GRIN3A: variants seen among roughly 807,000 people sequenced by gnomAD.
GRIN3A encodes the protein glutamate receptor ionotropic, NMDA 3A.
A neutral mutation model predicts 92.4 loss-of-function variants in GRIN3A; 47 were observed. The ratio of observed to expected loss-of-function variants is 0.51; its 90% CI spans 0.40 to 0.65. The LOEUF is 0.65. GRIN3A is among the 30% of genes least tolerant of loss of function. The pLI is 0.00. For missense variants in GRIN3A, 1,324 were observed against 1,393.1 expected, an observed-to-expected ratio of 0.95 and a Z score of 0.79; for synonymous variants, 527 against 540.6, an observed-to-expected ratio of 0.97 and a Z score of 0.35.
At chr9:101,615,227 C>A (rs532918448) in intron 5 of GRIN3A, among the ~76,000 whole-genome samples, 2 of 145,124 alleles carry the variant, frequency 1.4e-5, no homozygotes, top group African/African-American at 5.1e-5. Flanking sequence ...TTTTTTTTTG[C>A]CTTCAACATG....
chr9:101,730,323 AT>A (rs1373052678), intron 1 of GRIN3A, among the ~76,000 whole-genome samples: 2 of 152,176 alleles, frequency 1.3e-5, no homozygotes, highest in Non-Finnish European at 2.9e-5. Context: ...CGAATGCATA[AT>A]AAGGTAGAAT....
chr9:101,634,332 CAAAAAAA>C (rs10664535), intron 3 of GRIN3A, among the ~76,000 whole-genome samples: 1 of 68,736 alleles, frequency 1.5e-5, no homozygotes, highest in Non-Finnish European at 2.6e-5. Context: ...GACTCCGTCT[CAAAAAAA>C]AAAAAAAAAA....
At chr9:101,700,926 T>C (rs985425923) in intron 1 of GRIN3A, among the ~76,000 whole-genome samples, 1 of 152,178 alleles carries the variant, frequency 6.6e-6, no homozygotes, top group Non-Finnish European at 1.5e-5. Flanking sequence ...ACACATCTAT[T>C]ATCATTATGG....
At chr9:101,673,529 G>A (rs1435383769) in intron 2 of GRIN3A, among the ~76,000 whole-genome samples, 1 of 152,078 alleles carries the variant, frequency 6.6e-6, no homozygotes, top group African/African-American at 2.4e-5. Flanking sequence ...CTTACGATAA[G>A]GGTGAATCAA....
chr9:101,582,501 C>T (rs953628514), intron 6 of GRIN3A, among the ~76,000 whole-genome samples: 6 of 152,118 alleles, frequency 3.9e-5, no homozygotes, highest in African/African-American at 1.4e-4. Flanking sequence ...GCACGTTGGA[C>T]CCCAAGGGCT....
intron 1 of GRIN3A, among the ~76,000 whole-genome samples, chr9:101,706,296 A>T (rs546715951): frequency 6.6e-6 from 1 of 152,288 alleles, no homozygotes; most frequent in East Asian, 1.9e-4. Context: ...AATGTAATCA[A>T]TCTCTGCTGT....
At chr9:101,635,042 T>G (rs898113282) in intron 3 of GRIN3A, among the ~76,000 whole-genome samples, 1 of 152,236 alleles carries the variant, frequency 6.6e-6, no homozygotes, top group African/African-American at 2.4e-5. Flanking sequence ...TTTTTCATGT[T>G]ATTCCTATTT....
At chr9:101,683,844 CAGTGAG>C (rs768938744) in intron 2 of GRIN3A, among the ~76,000 whole-genome samples, 20,370 of 78,886 alleles carry the variant, frequency 0.26, 2,207 homozygotes, top group African/African-American at 0.44. Context: ...GAGAGAGAGA[CAGTGAG>C]AGAGAGAGAG....
At chr9:101,594,001 C>T (rs1335769754) in intron 6 of GRIN3A, 1 of 162,736 alleles carries the variant, frequency 6.1e-6, no homozygotes, top group Non-Finnish European at 1.3e-5. Context: ...TGAACACAAG[C>T]AAATGAAAAC....
rs145134206 is a variant in GRIN3A at position 101,735,205 on chromosome 9, A to G, written c.699+2076T>C. Among the ~76,000 whole-genome samples, 1,041 of 152,006 alleles carry G rather than the reference A, an allele frequency of 6.8e-3. 25 individuals are homozygous for G. The highest frequency in any genetic ancestry group is 8.9e-3 in the Non-Finnish European group (607 of 67,878). On this transcript the variant is annotated intron_variant, in intron 1 of 8. Coordinates refer to ENST00000361820, the MANE Select transcript of GRIN3A (RefSeq NM_133445.3). ...GTTTGAATTTAAAGTAAAAAGGGAG[A>G]TGAAAGAAAATGTAGTCAGTTGAAC...
At chr9:101,692,981 T>C (rs1179609501) in intron 1 of GRIN3A, among the ~76,000 whole-genome samples, 2 of 152,218 alleles carry the variant, frequency 1.3e-5, no homozygotes, top group Middle Eastern at 3.4e-3. Flanking sequence ...TAGTGCCTTA[T>C]GCATATTATT....
chr9:101,587,296 C>T (rs560345789), intron 6 of GRIN3A, among the ~76,000 whole-genome samples: 434 of 142,236 alleles, frequency 3.1e-3, no homozygotes, highest in African/African-American at 0.011. Flanking sequence ...GGCAACAGAG[C>T]GAGACTCCAT....
At position 101,686,835 on chromosome 9, in the gene GRIN3A, C is replaced by G. The variant is rs1459043222; in HGVS notation, c.1065G>C (p.Val355=). 6.2e-7 allele frequency: 1 copy of G among 1,614,226 alleles called. No homozygotes were observed. The highest frequency in any genetic ancestry group is 1.7e-5 in the Admixed American group (1 of 60,028). The part of the protein sequence containing the change: ...FGVMPPELRW[V]LGDSQNVEEL... ...CCTCCACATTCTGGGAATCTCCCAGCACCCAACGAAGTTCAGGGGGCATGA... is the reference window on the plus strand; with the variant it reads ...CCTCCACATTCTGGGAATCTCCCAGGACCCAACGAAGTTCAGGGGGCATGA... Residue 355 remains valine, a synonymous_variant, in exon 2 of 9, where the codon GTG becomes GTC. Transcript: ENST00000361820.
chr9:101,573,326 C>T lies in GRIN3A; in HGVS notation c.3196G>A (p.Asp1066Asn), dbSNP rs754007132. 1.2e-6 allele frequency: 2 copies of T among 1,614,098 alleles called. No individual in the cohort carries two copies. Among genetic ancestry groups the T allele is most frequent in the East Asian group, 4.5e-5 (2 of 44,870 alleles). Residue 1066 changes from aspartate to asparagine, a missense_variant, in exon 9 of 9, where the codon GAC (aspartate) becomes AAC (asparagine). Physicochemically the swap from Asp to Asn is conservative, Grantham distance 23. Transcript: ENST00000361820. ...PALRTTNGKA[D>N]SLNVSRNSVM... Reference sequence around the variant, plus strand: ...GAGTTCCGAGATACATTTAGGGAGTCTGCTTTCCCATTGGTGGTCCGCAAG... The same window carrying T: ...GAGTTCCGAGATACATTTAGGGAGTTTGCTTTCCCATTGGTGGTCCGCAAG...
chr9:101,600,984 A>G (rs1240977989), intron 6 of GRIN3A: 1 of 152,244 alleles, frequency 6.6e-6, no homozygotes, highest in African/African-American at 2.4e-5. Context: ...AATTAATAAT[A>G]CAAGATGGAC....
At chr9:101,621,268 G>C (rs62577404) in intron 5 of GRIN3A, among the ~76,000 whole-genome samples, 1 of 147,250 alleles carries the variant, frequency 6.8e-6, no homozygotes, top group East Asian at 2.0e-4. Context: ...CTGGATGATA[G>C]AGTGAGACTC....
intron 3 of GRIN3A, among the ~76,000 whole-genome samples, chr9:101,653,683 A>AT (rs1390288116): frequency 3.3e-5 from 5 of 151,804 alleles, no homozygotes; most frequent in South Asian, 2.1e-4. Context: ...ATATTTAAGT[A>AT]TTTTGTTCTC....
At chr9:101,723,748 A>G (rs1830044049) in intron 1 of GRIN3A, among the ~76,000 whole-genome samples, 1 of 152,192 alleles carries the variant, frequency 6.6e-6, no homozygotes, top group African/African-American at 2.4e-5. Context: ...AGGCCCCACC[A>G]GAGTAGCTAG....
At chr9:101,687,298 T>G (rs1366886283) in intron 1 of GRIN3A, 98 bp from the exon 2 acceptor site, 5 of 1,184,736 alleles carry the variant, frequency 4.2e-6, no homozygotes, top group Admixed American at 1.7e-5. Context: ...ATCCTTTAAT[T>G]TCACTGTGAT....
Sources: allele counts gnomAD v4.1 joint callset (sites outside exome capture counted in the v4.1 genomes callset), GRCh38; gene constraint gnomAD v4.1.1; transcripts MANE v1.5; gene names NCBI Gene and HGNC (gene_info 2026-07-23, HGNC 2026-07-21).